QRICH1: variants seen among roughly 807,000 people sequenced by gnomAD.
The protein encoded by QRICH1 is glutamine rich 1.
QRICH1 carries 16 observed loss-of-function variants against 87.1 expected under a neutral mutation model. That is an observed-to-expected ratio of 0.18 (90% CI 0.12 to 0.28). QRICH1 has a LOEUF of 0.28. QRICH1 is among the 10% of genes least tolerant of loss of function. The pLI, the probability that QRICH1 is intolerant of heterozygous loss-of-function variation, is 1.00. For missense variants in QRICH1, 647 were observed against 951.7 expected, an observed-to-expected ratio of 0.68 and a Z score of 4.21; for synonymous variants, 367 against 368.4, an observed-to-expected ratio of 1.00 and a Z score of 0.05.
chr3:49,061,226 T>C (rs1172385672), intron 2 of QRICH1, among the ~76,000 whole-genome samples: 3 of 150,116 alleles, frequency 2.0e-5, no homozygotes, highest in East Asian at 3.9e-4. Context: ...CCCCCATCAA[T>C]GTCTGTGGAA....
At position 49,057,770 on chromosome 3, in the gene QRICH1, G is replaced by C. The variant is rs753296329; in HGVS notation, c.430C>G (p.Pro144Ala). The C allele has an allele frequency of 1.9e-6, 3 of 1,614,198 alleles. No homozygotes were observed. The highest frequency in any genetic ancestry group is 2.2e-5 in the South Asian group (2 of 91,088). ...QVQVQIQGQA[P>A]QSAAPSIQTP... ...TGAATGGAGGGGGCTGCTGACTGTG[G>C]TGCCTGGCCTTGGATCTGCACCTGG... The change falls in exon 3 of 10, where the codon CCA becomes GCA. Residue 144 changes from proline (P) to alanine (A), a missense_variant. Physicochemically the swap from Pro to Ala is conservative, Grantham distance 27. Around this residue, in one of 7 missense-constraint regions of QRICH1, gnomAD observed 156 missense variants for 164.5 expected, o/e 0.95. Coordinates refer to ENST00000395443, the MANE Select transcript of QRICH1 (RefSeq NM_198880.3). The surrounding 1 kb of genome is among the most constrained non-coding windows in gnomAD (Gnocchi z 5.4).
chr3:49,037,925 G>A (rs916095876), intron 6 of QRICH1, among the ~76,000 whole-genome samples: 5 of 152,020 alleles, frequency 3.3e-5, no homozygotes, highest in Non-Finnish European at 7.4e-5. Flanking sequence ...GCAGTGAGCC[G>A]AGATCAAGCC....
chr3:49,051,590 C>CT (rs1553742527), intron 3 of QRICH1, among the ~76,000 whole-genome samples: 1 of 135,976 alleles, frequency 7.4e-6, no homozygotes, highest in African/African-American at 2.7e-5. Flanking sequence ...CTGCGCCCCC[C>CT]CCCCCCTCCG....
intron 6 of QRICH1, among the ~76,000 whole-genome samples, chr3:49,040,337 GC>G (rs1486656132): frequency 1.3e-5 from 2 of 152,184 alleles, no homozygotes; most frequent in South Asian, 2.1e-4. Context: ...GCTAGGCGCA[GC>G]AGCTCACACC....
intron 4 of QRICH1, 34 bp from the exon 5 acceptor site, chr3:49,046,613 C>G: frequency 6.2e-7 from 1 of 1,606,138 alleles, no homozygotes; most frequent in Non-Finnish European, 8.5e-7. Context: ...AATGAAGGTC[C>G]TGGGGGTCCA....
chr3:49,089,223 C>A (rs1399961799), intron 1 of QRICH1, among the ~76,000 whole-genome samples: 1 of 151,872 alleles, frequency 6.6e-6, no homozygotes, highest in Non-Finnish European at 1.5e-5. Context: ...CCATGCCCTG[C>A]TAATTTTTGT....
At chr3:49,058,078 A>G (rs1327837074) in intron 2 of QRICH1, 188 bp from the exon 3 acceptor site, 14 of 999,498 alleles carry the variant, frequency 1.4e-5, no homozygotes, top group African/African-American at 4.9e-5. Context: ...GCACATTACA[A>G]TAACAGGGAC....
In QRICH1 at chr3:49,093,947, G is replaced by A. The variant is rs1461022961; in HGVS notation, c.-57C>T. On this transcript the variant is annotated 5_prime_UTR_variant, in exon 1 of 10. Coordinates refer to ENST00000395443, the MANE Select transcript of QRICH1 (RefSeq NM_198880.3). ...CACTGCCGCCGCCGCCGCCGCCTCC[G>A]CTGCACCCGCCGGCCCCGCCGCACC... is the stretch of plus-strand genomic sequence containing the variant. 5.1e-6 allele frequency: 2 copies of A among 389,618 alleles called. No homozygotes were observed. Among genetic ancestry groups the A allele is most frequent in the East Asian group, 3.7e-5 (1 of 27,068 alleles). 24.1% of individuals were successfully genotyped at this position (389,618 alleles called of 1,614,324 possible). A position where few individuals can be genotyped will look rare whatever the true frequency, so the allele number is the denominator to read the frequency against.
rs1343489535 is a variant in QRICH1 at position 49,029,885 on chromosome 3, A to G, written c.*567T>C. ...AACAAAAAAAAAAAAGGCATGGTAA[A>G]GTTTTTACTTTTACATCTAAAATGT... On this transcript the variant is annotated 3_prime_UTR_variant, in exon 10 of 10. Transcript: ENST00000395443. 1 of 169,058 alleles carries G rather than the reference A, an allele frequency of 5.9e-6. No homozygotes were observed. Among genetic ancestry groups the G allele is most frequent in the African/African-American group, 2.4e-5 (1 of 41,730 alleles). The allele number at this position is 169,058 out of a possible 1,614,324, so 10.5% of individuals were successfully genotyped here. A position where few individuals can be genotyped will look rare whatever the true frequency, so the allele number is the denominator to read the frequency against.
intron 3 of QRICH1, among the ~76,000 whole-genome samples, chr3:49,054,385 T>C (rs1216122413): frequency 6.6e-6 from 1 of 152,178 alleles, no homozygotes; most frequent in African/African-American, 2.4e-5. Flanking sequence ...ATCTACTTGA[T>C]TCCTCCTGTT....
intron 2 of QRICH1, among the ~76,000 whole-genome samples, chr3:49,074,387 A>G (rs2041907432): frequency 6.6e-6 from 1 of 151,720 alleles, no homozygotes; most frequent in Non-Finnish European, 1.5e-5. Context: ...GCTGGCTAAC[A>G]TGGTGAAACC....
intron 1 of QRICH1, among the ~76,000 whole-genome samples, chr3:49,085,930 T>C (rs2042159173): frequency 6.6e-6 from 1 of 151,986 alleles, no homozygotes; most frequent in South Asian, 2.1e-4. Context: ...TAGCTCCAAG[T>C]AAAAGACTTA....
chr3:49,048,954 T>C (rs146772396), intron 3 of QRICH1, among the ~76,000 whole-genome samples: 1,808 of 150,678 alleles, frequency 0.012, 38 homozygotes, highest in African/African-American at 0.042. Flanking sequence ...TAGGCTGGAG[T>C]GCAGTGGCAC....
Position 49,093,922 on chromosome 3 carries a change from C to T in QRICH1, c.-32G>A. The T allele has an allele frequency of 2.5e-6, 1 of 392,744 alleles. No homozygotes were observed. The highest frequency in any genetic ancestry group is 4.5e-6 in the Non-Finnish European group (1 of 224,188). The allele number at this position is 392,744 out of a possible 1,614,324, so 24.3% of individuals were successfully genotyped here. A position where few individuals can be genotyped will look rare whatever the true frequency, so the allele number is the denominator to read the frequency against. ...CACTGGAGCCCTCACCCGGCGACGT[C>T]ACTGCCGCCGCCGCCGCCGCCTCCG... On this transcript the variant is annotated 5_prime_UTR_variant, in exon 1 of 10. Transcript: ENST00000395443.
At chr3:49,082,688 G>A (rs1347323737) in intron 1 of QRICH1, among the ~76,000 whole-genome samples, 1 of 151,666 alleles carries the variant, frequency 6.6e-6, no homozygotes, top group Non-Finnish European at 1.5e-5. Flanking sequence ...GAGGTCGGGA[G>A]ATCGAGACCA....
At chr3:49,038,407 T>C (rs1272283741) in intron 6 of QRICH1, among the ~76,000 whole-genome samples, 1 of 151,738 alleles carries the variant, frequency 6.6e-6, no homozygotes, top group Non-Finnish European at 1.5e-5. Flanking sequence ...CCTTTTTTGT[T>C]GATTTAATTA....
intron 6 of QRICH1, among the ~76,000 whole-genome samples, chr3:49,038,775 C>A (rs909654000): frequency 1.3e-5 from 2 of 152,258 alleles, no homozygotes; most frequent in East Asian, 3.9e-4. Context: ...GCCTGTAATC[C>A]TAGCACTTTG....
At chr3:49,038,051 T>G (rs979794057) in intron 6 of QRICH1, among the ~76,000 whole-genome samples, 1 of 152,054 alleles carries the variant, frequency 6.6e-6, no homozygotes, top group Non-Finnish European at 1.5e-5. Flanking sequence ...CTATTAAAAA[T>G]TTTAATAAAG....
At chr3:49,058,226 T>G (rs1253019037) in intron 2 of QRICH1, among the ~76,000 whole-genome samples, 1 of 152,146 alleles carries the variant, frequency 6.6e-6, no homozygotes, top group African/African-American at 2.4e-5. Context: ...CTCAGCTCAC[T>G]GCAACCTCCG....
Sources: allele counts gnomAD v4.1 joint callset (sites outside exome capture counted in the v4.1 genomes callset), GRCh38; gene constraint gnomAD v4.1.1; regional missense constraint gnomAD v4.1.1; non-coding constraint Gnocchi (gnomAD v3.1); transcripts MANE v1.5; gene names NCBI Gene and HGNC (gene_info 2026-07-23, HGNC 2026-07-21).